FAM167A: variants seen among roughly 807,000 people sequenced by gnomAD.
FAM167A encodes family with sequence similarity 167 member A.
Under a neutral mutation model 14.9 loss-of-function variants are expected in FAM167A, and 23 were observed. The ratio of observed to expected loss-of-function variants is 1.55; its 90% CI spans 1.11 to 2.19. The LOEUF (loss-of-function observed/expected upper bound fraction) is 2.19, where lower values mean the gene tolerates loss of function less well. Ranked by LOEUF, FAM167A falls within the 30% of genes most tolerant of loss-of-function variation. FAM167A has a pLI of 0.00. For synonymous variants in FAM167A, 174 were observed against 117.7 expected (o/e 1.48, Z -3.10); for missense variants, 401 against 281.5 (o/e 1.42, Z -3.04).
At chr8:11,443,749 A>AG (rs1021079127) in intron 2 of FAM167A, 1 of 368,952 alleles carries the variant, frequency 2.7e-6, no homozygotes, top group Non-Finnish European at 5.0e-6. Context: ...TGTTGGGGGG[A>AG]GGGGGGTACA....
At position 11,444,269 on chromosome 8, in the gene FAM167A, T is replaced by G; in HGVS notation, c.143A>C (p.Glu48Ala). 1 of 1,610,638 alleles carries G rather than the reference T, an allele frequency of 6.2e-7. No individual in the cohort carries two copies. The highest frequency in any genetic ancestry group is 8.5e-7 in the Non-Finnish European group (1 of 1,179,406). ...ATGCTCCTCCAGCCTGGCCTGCCATTCCAGGTAGGAGGGCCTGCGGGTCTC... is the reference window on the plus strand; with the variant it reads ...ATGCTCCTCCAGCCTGGCCTGCCATGCCAGGTAGGAGGGCCTGCGGGTCTC... Reference protein sequence around the residue: ...RLETRRPSYLEWQARLEEHTW... With the variant: ...RLETRRPSYLAWQARLEEHTW... The change falls in exon 2 of 3, where the codon GAA (glutamate) becomes GCA (alanine). Residue 48 changes from glutamate to alanine, a missense_variant. Glu to Ala is a moderately radical substitution (Grantham distance 107). Transcript: ENST00000284486.
rs544088124 is a variant in FAM167A, at chr8:11,440,934, G to C, written c.381+3097C>G. 2.1e-3 allele frequency among the ~76,000 whole-genome samples: 320 copies of C among 152,356 alleles called. 1 individual carries two copies. The highest frequency in any genetic ancestry group is 4.1e-3 in the Admixed American group (63 of 15,308). ...ACCATGGCATTAAGTTTAACGTTTT[G>C]ACTGAGACTTAAATAGAGCAGAATG... On this transcript the variant is annotated intron_variant, in intron 2 of 2. Coordinates refer to ENST00000284486, the MANE Select transcript of FAM167A (RefSeq NM_053279.3).
At chr8:11,474,221 A>G (rs1426713336) in intron 1 of FAM167A, among the ~76,000 whole-genome samples, 1 of 152,198 alleles carries the variant, frequency 6.6e-6, no homozygotes, top group African/African-American at 2.4e-5. Context: ...TGGTTTGCGC[A>G]CCACCTGGAA....
At position 11,449,055 on chromosome 8, in the gene FAM167A, G is replaced by A. The variant is rs191711446; in HGVS notation, c.-397-4247C>T. Among the ~76,000 whole-genome samples, 323 of 152,360 alleles carry A rather than the reference G, an allele frequency of 2.1e-3. 1 individual carries two copies. The highest frequency in any genetic ancestry group is 4.1e-3 in the Admixed American group (63 of 15,310). ...GTGGTCACCCGTAGCTGGCAGGAAC[G>A]GGATTGCCCCCAGCACAGCCAGATG... On this transcript the variant is annotated intron_variant, in intron 1 of 2. Transcript: ENST00000284486.
chr8:11,444,758 G>A lies in FAM167A; in HGVS notation c.-347C>T, dbSNP rs1806680990. ...ACGCACTCGAAGACCAGACTGGCAG[G>A]AAGAAGGCCCAGAGCTCTCTCTTCT... is the stretch of plus-strand genomic sequence containing the variant. On this transcript the variant is annotated 5_prime_UTR_variant, in exon 2 of 3. Coordinates refer to ENST00000284486, the MANE Select transcript of FAM167A (RefSeq NM_053279.3). 9.7e-7 allele frequency: 1 copy of A among 1,034,526 alleles called. No homozygotes were observed. Among genetic ancestry groups the A allele is most frequent in the Non-Finnish European group, 1.2e-6 (1 of 862,162 alleles). The allele number at this position is 1,034,526 out of a possible 1,614,324, so 64.1% of individuals were successfully genotyped here.
At chr8:11,448,726 T>A (rs1226307804) in intron 1 of FAM167A, among the ~76,000 whole-genome samples, 2 of 152,186 alleles carry the variant, frequency 1.3e-5, no homozygotes, top group Non-Finnish European at 2.9e-5. Context: ...CCCTCTCTGC[T>A]CACATTGTGA....
At chr8:11,445,688 A>G in intron 1 of FAM167A, 1 of 892,010 alleles carries the variant, frequency 1.1e-6, no homozygotes, top group Non-Finnish European at 1.3e-6. Context: ...TCTAACTCCC[A>G]GTAAGAAGAG....
chr8:11,463,908 A>C (rs1807642758), intron 1 of FAM167A, among the ~76,000 whole-genome samples: 1 of 152,180 alleles, frequency 6.6e-6, no homozygotes, highest in Non-Finnish European at 1.5e-5. Flanking sequence ...ACCCCCCACT[A>C]TAGATGACAA....
chr8:11,446,117 A>G (rs2117097029), intron 1 of FAM167A, among the ~76,000 whole-genome samples: 1 of 152,194 alleles, frequency 6.6e-6, no homozygotes, highest in African/African-American at 2.4e-5. Context: ...TAGGAGGGAA[A>G]AGAATTAAGA....
In FAM167A at chr8:11,424,287, A is replaced by G; in HGVS notation, c.*86T>C. On this transcript the variant is annotated 3_prime_UTR_variant, in exon 3 of 3. Coordinates refer to ENST00000284486, the MANE Select transcript of FAM167A (RefSeq NM_053279.3). ...AGGGACCCCTGCCTCCGGGAGACCC[A>G]CTGGAGTAACTTGGCCTCAGCTTCC... The G allele has an allele frequency of 2.6e-6, 4 of 1,565,690 alleles. No individual in the cohort carries two copies. Among genetic ancestry groups the G allele is most frequent in the Non-Finnish European group, 3.5e-6 (4 of 1,151,170 alleles).
In FAM167A at chr8:11,444,829, G is replaced by A. The variant is rs575396696; in HGVS notation, c.-397-21C>T. On this transcript the variant is annotated intron_variant, in intron 1 of 2. Coordinates refer to ENST00000284486, the MANE Select transcript of FAM167A (RefSeq NM_053279.3). ...AGACCCTGTGGGAGGGATGAGAACC[G>A]CATCAGTCCCGATCCCTGCCCTGCC... The A allele has an allele frequency of 8.0e-6, 8 of 997,978 alleles. No homozygotes were observed. The African/African-American group carries it at 8.7e-5, about 11-fold the overall frequency. 61.8% of individuals were successfully genotyped at this position (997,978 alleles called of 1,614,324 possible).
intron 2 of FAM167A, among the ~76,000 whole-genome samples, chr8:11,427,373 G>A (rs75956533): frequency 0.011 from 1,685 of 152,254 alleles, 11 homozygotes; most frequent in Non-Finnish European, 0.016. Flanking sequence ...TTTGTCACTG[G>A]GACAGGTTGC....
rs534220898 is a variant in FAM167A at position 11,423,288 on chromosome 8, G to A, written c.*1085C>T. The A allele has an allele frequency of 2.0e-5, 3 of 152,588 alleles. No homozygotes were observed. Among genetic ancestry groups the A allele is most frequent in the Non-Finnish European group, 4.4e-5 (3 of 68,044 alleles). 9.5% of individuals were successfully genotyped at this position (152,588 alleles called of 1,614,324 possible). On this transcript the variant is annotated 3_prime_UTR_variant, in exon 3 of 3. Coordinates refer to ENST00000284486, the MANE Select transcript of FAM167A (RefSeq NM_053279.3). ...TGATCCTCAAGCCTGTTGGGAGGGA[G>A]AAACTCTTAAAATCAAATCCTACGC...
chr8:11,437,384 A>G (rs956966406), intron 2 of FAM167A, among the ~76,000 whole-genome samples: 1 of 152,200 alleles, frequency 6.6e-6, no homozygotes, highest in Admixed American at 6.5e-5. Flanking sequence ...GCAACTGTTC[A>G]GTGTCCTAAT....
At chr8:11,450,651 C>T (rs1806986506) in intron 1 of FAM167A, among the ~76,000 whole-genome samples, 1 of 152,194 alleles carries the variant, frequency 6.6e-6, no homozygotes, top group Non-Finnish European at 1.5e-5. Flanking sequence ...TTATGCTGGA[C>T]CCTCCAGTAC....
chr8:11,436,953 G>A (rs1262636979), intron 2 of FAM167A, among the ~76,000 whole-genome samples: 1 of 152,348 alleles, frequency 6.6e-6, no homozygotes, highest in South Asian at 2.1e-4. Context: ...CCAGGCACCT[G>A]CAGTTGCTAT....
intron 2 of FAM167A, chr8:11,433,922 C>G (rs1218248756): frequency 6.6e-6 from 1 of 152,208 alleles, no homozygotes; most frequent in Non-Finnish European, 1.5e-5. Flanking sequence ...ACCTGCAGGT[C>G]TGCCTTATTA....
intron 2 of FAM167A, chr8:11,435,071 C>A (rs1237810762): frequency 4.4e-6 from 2 of 456,856 alleles, no homozygotes; most frequent in Non-Finnish European, 8.8e-6. Context: ...GGCTGATGGG[C>A]AGGTCTCCCT....
chr8:11,472,165 T>G (rs958754474), upstream of FAM167A, among the ~76,000 whole-genome samples: 1 of 152,218 alleles, frequency 6.6e-6, no homozygotes, highest in African/African-American at 2.4e-5. Flanking sequence ...TGGGACTGAT[T>G]TGAGCCTTTC....
Sources: allele counts gnomAD v4.1 joint callset (sites outside exome capture counted in the v4.1 genomes callset), GRCh38; gene constraint gnomAD v4.1.1; transcripts MANE v1.5; gene names NCBI Gene and HGNC (gene_info 2026-07-23, HGNC 2026-07-21).